The following UBE2E2 variants were observed in gnomAD, a reference collection of about 807,000 sequenced individuals.
The protein encoded by UBE2E2 is ubiquitin conjugating enzyme E2 E2.
A neutral mutation model predicts 24.7 loss-of-function variants in UBE2E2; 6 were observed. That is an observed-to-expected ratio of 0.24 (90% CI 0.13 to 0.48). The LOEUF (loss-of-function observed/expected upper bound fraction) is 0.48. Ranked by LOEUF, UBE2E2 falls within the 20% of genes least tolerant of loss-of-function variation. The probability of loss-of-function intolerance (pLI) is 0.99; values close to 1 mark genes in which losing one functional copy is unlikely to be tolerated. For synonymous variants in UBE2E2, 104 were observed against 83.6 expected (o/e 1.24, Z -1.33); for missense variants, 169 against 245.0 (o/e 0.69, Z 2.07).
intron 3 of UBE2E2, among the ~76,000 whole-genome samples, chr3:23,388,758 G>A (rs1004284814): frequency 6.6e-5 from 10 of 152,076 alleles, no homozygotes; most frequent in Admixed American, 5.9e-4. Flanking sequence ...TGTAATCCCA[G>A]TACTTTAGGA....
chr3:23,357,314 A>G (rs892645676), intron 3 of UBE2E2, among the ~76,000 whole-genome samples: 1 of 152,000 alleles, frequency 6.6e-6, no homozygotes, highest in African/African-American at 2.4e-5. Flanking sequence ...TTTTTAATCT[A>G]CCCATTGTCT....
In UBE2E2 at chr3:23,243,679, T is replaced by C. The variant is rs143074401; in HGVS notation, c.227+26367T>C. 9.8e-3 allele frequency among the ~76,000 whole-genome samples: 1,488 copies of C among 152,254 alleles called. 21 individuals carry two copies. Among genetic ancestry groups the C allele is most frequent in the African/African-American group, 0.033 (1,389 of 41,550 alleles). On this transcript the variant is annotated intron_variant, in intron 3 of 5. Transcript: ENST00000396703. ...GCCTTTTTCTCAAGCGTTGGTTAGATTAACTGAACTTCTGAATACCTTTGT... is the reference window on the plus strand; with the variant it reads ...GCCTTTTTCTCAAGCGTTGGTTAGACTAACTGAACTTCTGAATACCTTTGT...
chr3:23,313,644 A>G (rs140654141), intron 3 of UBE2E2, among the ~76,000 whole-genome samples: 7 of 151,966 alleles, frequency 4.6e-5, no homozygotes, highest in Non-Finnish European at 1.0e-4. Flanking sequence ...CGGCCTCCCA[A>G]AGTGCTGGGA....
chr3:23,359,468 C>G (rs1414896278), intron 3 of UBE2E2, among the ~76,000 whole-genome samples: 1 of 152,126 alleles, frequency 6.6e-6, no homozygotes, highest in Non-Finnish European at 1.5e-5. Flanking sequence ...CTTGTTCCTT[C>G]TTTTGGAATT....
At chr3:23,459,532 GA>G (rs1420575870) in intron 3 of UBE2E2, among the ~76,000 whole-genome samples, 2 of 152,144 alleles carry the variant, frequency 1.3e-5, no homozygotes, top group Admixed American at 1.3e-4. Flanking sequence ...ACACCTTTAT[GA>G]AACATTTAAA....
intron 3 of UBE2E2, among the ~76,000 whole-genome samples, chr3:23,328,622 T>G (rs1301453331): frequency 6.6e-6 from 1 of 152,160 alleles, no homozygotes; most frequent in East Asian, 1.9e-4. Flanking sequence ...TAGTCACATC[T>G]GTAGATTCAT....
intron 5 of UBE2E2, among the ~76,000 whole-genome samples, chr3:23,564,531 C>G (rs1041377796): frequency 6.6e-6 from 1 of 152,006 alleles, no homozygotes; most frequent in Non-Finnish European, 1.5e-5. Context: ...GTGACTGTGC[C>G]CACCACACAA....
intron 3 of UBE2E2, among the ~76,000 whole-genome samples, chr3:23,310,751 T>C (rs1694356062): frequency 6.6e-6 from 1 of 152,142 alleles, no homozygotes; most frequent in Non-Finnish European, 1.5e-5. Flanking sequence ...TGCATACTCA[T>C]ACACATAAAA....
chr3:23,288,536 T>C (rs1394955599), intron 3 of UBE2E2, among the ~76,000 whole-genome samples: 3 of 152,250 alleles, frequency 2.0e-5, no homozygotes, highest in African/African-American at 4.8e-5. Flanking sequence ...GCTATTATTG[T>C]ATTGGGATCT....
intron 3 of UBE2E2, among the ~76,000 whole-genome samples, chr3:23,459,792 G>T (rs561542142): frequency 6.6e-6 from 1 of 152,130 alleles, no homozygotes; most frequent in African/African-American, 2.4e-5. Context: ...GAATTTCTGT[G>T]ATCTGTAAAA....
At chr3:23,230,893 A>G (rs1429495209) in intron 3 of UBE2E2, among the ~76,000 whole-genome samples, 7 of 152,066 alleles carry the variant, frequency 4.6e-5, no homozygotes, top group Non-Finnish European at 1.0e-4. Context: ...TTCTTTATTA[A>G]GCTTATTCTG....
chr3:23,433,150 C>T (rs939389125), intron 3 of UBE2E2, among the ~76,000 whole-genome samples: 2 of 151,910 alleles, frequency 1.3e-5, no homozygotes, highest in African/African-American at 4.8e-5. Flanking sequence ...ATGTCAGTTT[C>T]TGTATGCCAG....
chr3:23,227,417 A>T (rs377007099), intron 3 of UBE2E2, among the ~76,000 whole-genome samples: 1 of 152,166 alleles, frequency 6.6e-6, no homozygotes, highest in African/African-American at 2.4e-5. Context: ...TGAATAACTG[A>T]AAGTTTATGT....
intron 1 of UBE2E2, among the ~76,000 whole-genome samples, chr3:23,207,993 T>A (rs1696197515): frequency 6.6e-6 from 1 of 152,110 alleles, no homozygotes; most frequent in Non-Finnish European, 1.5e-5. Context: ...TCTTCACTAC[T>A]CTCCCCTCAC....
intron 3 of UBE2E2, among the ~76,000 whole-genome samples, chr3:23,226,491 G>A (rs1029490638): frequency 6.7e-6 from 1 of 149,094 alleles, no homozygotes; most frequent in African/African-American, 2.5e-5. Context: ...AAGGTTGCCT[G>A]AGCCTCCCAA....
At chr3:23,446,903 C>A (rs558956706) in intron 3 of UBE2E2, among the ~76,000 whole-genome samples, 4 of 152,090 alleles carry the variant, frequency 2.6e-5, no homozygotes, top group South Asian at 4.2e-4. Context: ...TCAGGTCCCC[C>A]AGTATTGGTG....
chr3:23,398,263 A>T (rs1390665249), intron 3 of UBE2E2, among the ~76,000 whole-genome samples: 2 of 142,660 alleles, frequency 1.4e-5, no homozygotes, highest in African/African-American at 5.4e-5. Flanking sequence ...CAGTGAGCTG[A>T]GATGGCACCA....
intron 3 of UBE2E2, among the ~76,000 whole-genome samples, chr3:23,496,281 G>GT (rs1283819046): frequency 2.0e-5 from 3 of 151,922 alleles, no homozygotes; most frequent in Non-Finnish European, 4.4e-5. Flanking sequence ...ATGTAATAAC[G>GT]TATCTAACAC....
At chr3:23,337,016 G>C (rs949329491) in intron 3 of UBE2E2, among the ~76,000 whole-genome samples, 1 of 151,940 alleles carries the variant, frequency 6.6e-6, no homozygotes. Context: ...GCACATGCCT[G>C]TTGTCCCAGC....
Sources: allele counts gnomAD v4.1 joint callset (sites outside exome capture counted in the v4.1 genomes callset), GRCh38; gene constraint gnomAD v4.1.1; transcripts MANE v1.5; gene names NCBI Gene and HGNC (gene_info 2026-07-23, HGNC 2026-07-21).